ANKRD30B: variants seen among roughly 807,000 people sequenced by gnomAD.
The protein encoded by ANKRD30B is ankyrin repeat domain-containing protein 30B.
Under a neutral mutation model 202.2 loss-of-function variants are expected in ANKRD30B, and 144 were observed. The observed-to-expected ratio is 0.71, with a 90% CI of 0.62 to 0.82. ANKRD30B has a LOEUF of 0.82. ANKRD30B is among the 40% of genes least tolerant of loss of function. The pLI, the probability that ANKRD30B is intolerant of heterozygous loss-of-function variation, is 0.00. For synonymous variants in ANKRD30B, 508 were observed against 561.3 expected (o/e 0.91, Z 1.34); for missense variants, 1,487 against 1,669.1 (o/e 0.89, Z 1.90).
the ANKRD30B span, among the ~76,000 whole-genome samples, chr18:14,860,408 T>A: frequency 1.6e-4 from 18 of 112,808 alleles, no homozygotes; most frequent in East Asian, 2.6e-4. Context: ...GAGGCGCTCC[T>A]CACCTCCCAG....
intron 7 of ANKRD30B, among the ~76,000 whole-genome samples, chr18:14,766,333 C>A (rs1209075865): frequency 6.6e-6 from 1 of 151,176 alleles, no homozygotes; most frequent in African/African-American, 2.4e-5. Flanking sequence ...ATTAGCTGGG[C>A]GTGGTGGTAG....
At position 14,797,820 on chromosome 18, in the gene ANKRD30B, C is replaced by G. The variant is rs1055291947; in HGVS notation, c.1995C>G (p.Ala665=). The part of the protein sequence containing the change: ...CGRKVSLPNK[A]LELKDRETLK... The stretch of plus-strand genomic sequence containing the variant: ...GGAAAGTTTCTCTTCCAAATAAAGC[C>G]TTAGAATTAAAGGACAGAGAAACAC... The change falls in exon 20 of 44, where the codon GCC becomes GCG. Residue 665 remains alanine (A), a synonymous_variant. Transcript: ENST00000690538. The G allele has an allele frequency of 1.1e-5, 17 of 1,551,706 alleles. No homozygotes were observed. The highest frequency in any genetic ancestry group is 1.3e-5 in the Non-Finnish European group (15 of 1,147,476).
chr18:14,785,629 G>A (rs1242181810), intron 14 of ANKRD30B, among the ~76,000 whole-genome samples: 1 of 152,162 alleles, frequency 6.6e-6, no homozygotes, highest in Admixed American at 6.5e-5. Flanking sequence ...GCTATGGTGT[G>A]GCAACACGTA....
chr18:14,870,367 CT>C, the ANKRD30B span, among the ~76,000 whole-genome samples: 1 of 152,244 alleles, frequency 6.6e-6, no homozygotes, highest in Non-Finnish European at 1.5e-5. Context: ...CAGGCAGTCT[CT>C]CTGCTGTGCC....
the ANKRD30B span, among the ~76,000 whole-genome samples, chr18:14,873,535 A>G: frequency 6.6e-6 from 1 of 151,650 alleles, no homozygotes; most frequent in Admixed American, 6.6e-5. Flanking sequence ...AAAAAAAAAA[A>G]AAAAAAAAAA....
intron 11 of ANKRD30B, among the ~76,000 whole-genome samples, chr18:14,781,497 C>T (rs947828148): frequency 7.8e-5 from 3 of 38,536 alleles, no homozygotes; most frequent in African/African-American, 2.6e-4. Context: ...CGGGATTTCA[C>T]CGTGTTAGCC....
At chr18:14,796,563 T>A in intron 18 of ANKRD30B, 148 bp downstream of exon 18, 2 of 1,129,662 alleles carry the variant, frequency 1.8e-6, no homozygotes, top group Non-Finnish European at 1.2e-6. Context: ...CATTTATGTT[T>A]GAGAAAATGC....
At chr18:14,777,482 G>A (rs964487948) in intron 9 of ANKRD30B, among the ~76,000 whole-genome samples, 1 of 151,568 alleles carries the variant, frequency 6.6e-6, no homozygotes, top group Non-Finnish European at 1.5e-5. Flanking sequence ...ATTTTTAGTA[G>A]AGACGGGGTT....
chr18:14,840,517 G>A, intron 36 of ANKRD30B, 71 bp from the exon 37 acceptor site: 2 of 760,956 alleles, frequency 2.6e-6, no homozygotes, highest in Admixed American at 4.3e-5. Flanking sequence ...ACCCTGCGAG[G>A]CTTCATCTCA....
the ANKRD30B span, among the ~76,000 whole-genome samples, chr18:14,894,818 A>G: frequency 4.6e-5 from 7 of 150,910 alleles, no homozygotes; most frequent in African/African-American, 1.7e-4. Flanking sequence ...ATATACATAT[A>G]TGCAAAAAAT....
the ANKRD30B span, among the ~76,000 whole-genome samples, chr18:14,865,614 C>CA: frequency 4.6e-5 from 7 of 150,868 alleles, no homozygotes; most frequent in African/African-American, 7.3e-5. Context: ...CATCTACCCC[C>CA]AGTTTTTTTT....
At chr18:14,753,177 G>T (rs572987158) in intron 3 of ANKRD30B, among the ~76,000 whole-genome samples, 165 bp downstream of exon 3, 2 of 152,050 alleles carry the variant, frequency 1.3e-5, no homozygotes, top group African/African-American at 2.4e-5. Context: ...TTTTTTAAAA[G>T]AACTATTAGA....
chr18:14,883,664 A>G, the ANKRD30B span: 1 of 150,152 alleles, frequency 6.7e-6, no homozygotes, highest in East Asian at 2.0e-4. Context: ...TAGGGCAGCC[A>G]AAGGGAGGAT....
intron 9 of ANKRD30B, among the ~76,000 whole-genome samples, chr18:14,773,716 T>C (rs1418479164): frequency 3.3e-5 from 5 of 151,648 alleles, no homozygotes; most frequent in Non-Finnish European, 7.4e-5. Flanking sequence ...AATGCAGTGG[T>C]GTGATCTCGG....
At chr18:14,884,964 C>T in the ANKRD30B span, among the ~76,000 whole-genome samples, 8 of 152,036 alleles carry the variant, frequency 5.3e-5, no homozygotes, top group Non-Finnish European at 1.0e-4. Flanking sequence ...CAACAATGCT[C>T]AAATAGTTAC....
chr18:14,928,179 G>C, the ANKRD30B span, among the ~76,000 whole-genome samples: 2 of 152,174 alleles, frequency 1.3e-5, no homozygotes, highest in African/African-American at 2.4e-5. Flanking sequence ...TGCTGGCCAG[G>C]CTGGTCTCTA....
chr18:14,885,948 A>T, the ANKRD30B span, among the ~76,000 whole-genome samples: 1 of 152,158 alleles, frequency 6.6e-6, no homozygotes, highest in Non-Finnish European at 1.5e-5. Flanking sequence ...GAACATTTTT[A>T]AAAGGCTTAC....
chr18:14,789,063 C>T (rs936342026), intron 15 of ANKRD30B, among the ~76,000 whole-genome samples: 2 of 151,718 alleles, frequency 1.3e-5, no homozygotes, highest in African/African-American at 4.8e-5. Context: ...CCTGTTGTTT[C>T]CTGACTTTTT....
chr18:14,787,188 C>A, intron 15 of ANKRD30B, 88 bp downstream of exon 15: 1 of 1,150,626 alleles, frequency 8.7e-7, no homozygotes, highest in African/African-American at 1.6e-5. Flanking sequence ...TTTCTCACCT[C>A]TGCATATGTC....
Sources: allele counts gnomAD v4.1 joint callset (sites outside exome capture counted in the v4.1 genomes callset), GRCh38; gene constraint gnomAD v4.1.1; transcripts MANE v1.5; gene names NCBI Gene and HGNC (gene_info 2026-07-23, HGNC 2026-07-21).